SLC4A3: variants seen among roughly 807,000 people sequenced by gnomAD.
SLC4A3 encodes anion exchange protein 3.
Under a neutral mutation model 114.2 loss-of-function variants are expected in SLC4A3, and 47 were observed. The observed-to-expected ratio is 0.41, with a 90% CI of 0.33 to 0.52. SLC4A3 has a LOEUF of 0.52. Ranked by LOEUF, SLC4A3 falls within the 20% of genes least tolerant of loss-of-function variation. SLC4A3 has a pLI of 0.21. For missense variants in SLC4A3, 1,312 were observed against 1,668.3 expected (o/e 0.79, Z 3.72); for synonymous variants, 693 against 710.3 (o/e 0.98, Z 0.39).
chr2:219,633,556 A>G, intron 10 of SLC4A3, 99 bp downstream of exon 10: 1 of 1,127,806 alleles, frequency 8.9e-7, no homozygotes, highest in East Asian at 2.7e-5. Flanking sequence ...GGAAGGTTGG[A>G]TTGCTGGCAT....
chr2:219,631,817 A>G lies in SLC4A3; in HGVS notation c.812-151A>G, dbSNP rs1050570526. On this transcript the variant is annotated intron_variant, in intron 6 of 22. Coordinates refer to ENST00000358055, the MANE Select transcript of SLC4A3 (RefSeq NM_005070.4). The surrounding 1 kb of genome is among the most constrained non-coding windows in gnomAD (Gnocchi z 6.3). ...GAGCTTCAGTCTTCTTATCAATGAA[A>G]TGGCCACATGGGATTATGTGGTTCC... The G allele has an allele frequency of 1.2e-6, 1 of 843,788 alleles. No homozygotes were observed. The highest frequency in any genetic ancestry group is 1.8e-6 in the Non-Finnish European group (1 of 541,630). The allele number at this position is 843,788 out of a possible 1,614,324, so 52.3% of individuals were successfully genotyped here.
In SLC4A3 at chr2:219,634,908, T is replaced by C. The variant is rs539960565; in HGVS notation, c.1746+304T>C. On this transcript the variant is annotated intron_variant, in intron 12 of 22. Coordinates refer to ENST00000358055, the MANE Select transcript of SLC4A3 (RefSeq NM_005070.4). ...TGCTGTGGCTTCTCCTGGGATTAGA[T>C]AGGAGGGTCCTTTAGCCAGGGGCAA... is the stretch of plus-strand genomic sequence containing the variant. Among the ~76,000 whole-genome samples, 19 of 152,274 alleles carry C rather than the reference T, an allele frequency of 1.2e-4. No individual in the cohort carries two copies. The South Asian group carries it at 3.5e-3, about 28-fold the overall frequency.
intron 9 of SLC4A3, 79 bp from the exon 10 acceptor site, chr2:219,633,195 T>C: frequency 7.1e-7 from 1 of 1,401,628 alleles, no homozygotes; most frequent in Non-Finnish European, 9.8e-7. Flanking sequence ...ATGGAGGTCC[T>C]GACCCTCCAC....
chr2:219,638,902 C>T lies in SLC4A3; in HGVS notation c.3023+33C>T, dbSNP rs766909668. The T allele has an allele frequency of 3.7e-5, 59 of 1,605,702 alleles. No individual in the cohort carries two copies. Among genetic ancestry groups the T allele is most frequent in the Non-Finnish European group, 4.4e-5 (52 of 1,177,468 alleles). On this transcript the variant is annotated intron_variant, in intron 19 of 22. Transcript: ENST00000358055. This position sits in a 1 kb window ranked among gnomAD's most constrained non-coding sequence, Gnocchi z 7.5. ...AGATGGGAGGAGGAGGTGGGAGGGACGAGGCCAAGCTCCTTGGCTCCTTGG... is the reference window on the plus strand; with the variant it reads ...AGATGGGAGGAGGAGGTGGGAGGGATGAGGCCAAGCTCCTTGGCTCCTTGG...
chr2:219,634,014 A>G (rs937625630), intron 11 of SLC4A3, 35 bp downstream of exon 11: 2 of 1,519,230 alleles, frequency 1.3e-6, no homozygotes, highest in Admixed American at 4.1e-5. Flanking sequence ...CAGGGTCTGC[A>G]GTGTGTGTGT....
In SLC4A3 at chr2:219,632,923, C is replaced by T. The variant is rs374020580; in HGVS notation, c.1191C>T (p.His397=). 1.2e-6 allele frequency: 2 copies of T among 1,614,062 alleles called. No individual in the cohort carries two copies. Among genetic ancestry groups the T allele is most frequent in the Non-Finnish European group, 1.7e-6 (2 of 1,180,040 alleles). ...AAACCACCCTGCCAGGCATTGCACA[C>T]CTCGTGGTGGAGACCATGATTGTGT... ...LEQTTLPGIA[H]LVVETMIVSD... is the part of the protein sequence containing the mutation. Residue 397 remains histidine, a synonymous_variant, in exon 9 of 23, where the codon CAC becomes CAT. Coordinates refer to ENST00000358055, the MANE Select transcript of SLC4A3 (RefSeq NM_005070.4).
At position 219,629,205 on chromosome 2, in the gene SLC4A3, C is replaced by T; in HGVS notation, c.279C>T (p.His93=). 3.7e-6 allele frequency: 6 copies of T among 1,612,876 alleles called. No homozygotes were observed. Among genetic ancestry groups the T allele is most frequent in the Non-Finnish European group, 4.2e-6 (5 of 1,179,522 alleles). ...TCTCAGCGCGCCTGCCTCCACCCCACAAGCTGCGGCGGCTGCCCCCCACCT... is the reference window on the plus strand; with the variant it reads ...TCTCAGCGCGCCTGCCTCCACCCCATAAGCTGCGGCGGCTGCCCCCCACCT... ...HPLSARLPPP[H]KLRRLPPTSA... Residue 93 remains histidine, a synonymous_variant, in exon 4 of 23, where the codon CAC becomes CAT. Coordinates refer to ENST00000358055, the MANE Select transcript of SLC4A3 (RefSeq NM_005070.4).
In SLC4A3 at chr2:219,628,126, G is replaced by C; in HGVS notation, c.51+83G>C. 9.1e-7 allele frequency: 1 copy of C among 1,104,068 alleles called. No individual in the cohort carries two copies. Among genetic ancestry groups the C allele is most frequent in the Non-Finnish European group, 1.3e-6 (1 of 797,208 alleles). The allele number at this position is 1,104,068 out of a possible 1,614,324, so 68.4% of individuals were successfully genotyped here. A position where few individuals can be genotyped will look rare whatever the true frequency, so the allele number is the denominator to read the frequency against. On this transcript the variant is annotated intron_variant, in intron 2 of 22. Transcript: ENST00000358055. The surrounding 1 kb of genome is among the most constrained non-coding windows in gnomAD (Gnocchi z 4.8). The stretch of plus-strand genomic sequence containing the variant: ...GGGTGGGCAGAGGAGTCCTCTGGCC[G>C]ACCCCGGGACCCCCCAGATCCAGGG...
Position 219,636,548 on chromosome 2 carries a change from A to G in SLC4A3, c.2340+98A>G. 2 of 1,477,382 alleles carry G rather than the reference A, an allele frequency of 1.4e-6. No individual in the cohort carries two copies. The highest frequency in any genetic ancestry group is 1.8e-6 in the Non-Finnish European group (2 of 1,104,292). The allele number at this position is 1,477,382 out of a possible 1,614,324, so 91.5% of individuals were successfully genotyped here. A position where few individuals can be genotyped will look rare whatever the true frequency, so the allele number is the denominator to read the frequency against. Reference sequence around the variant, plus strand: ...CTTCCTTACCTACATCCTGCCCCACACTCTTCCTTACCTAGGGGATGGGTC... The same window carrying G: ...CTTCCTTACCTACATCCTGCCCCACGCTCTTCCTTACCTAGGGGATGGGTC... On this transcript the variant is annotated intron_variant, in intron 15 of 22. Transcript: ENST00000358055. The surrounding 1 kb of genome is among the most constrained non-coding windows in gnomAD (Gnocchi z 5.5).
chr2:219,637,881 C>T lies in SLC4A3; in HGVS notation c.2766+70C>T. 7.8e-7 allele frequency: 1 copy of T among 1,274,100 alleles called. No homozygotes were observed. Among genetic ancestry groups the T allele is most frequent in the Non-Finnish European group, 1.1e-6 (1 of 877,536 alleles). 78.9% of individuals were successfully genotyped at this position (1,274,100 alleles called of 1,614,324 possible). A position where few individuals can be genotyped will look rare whatever the true frequency, so the allele number is the denominator to read the frequency against. ...CTGCTGTAGGAGCTCCCCAGAGAGG[C>T]TGCACCCCTTCCCCGGTCAGCCCAT... On this transcript the variant is annotated intron_variant, in intron 17 of 22. Transcript: ENST00000358055. The surrounding 1 kb of genome is among the most constrained non-coding windows in gnomAD (Gnocchi z 4.6).
Position 219,631,935 on chromosome 2 carries a change from C to G in SLC4A3, c.812-33C>G. On this transcript the variant is annotated intron_variant, in intron 6 of 22. Coordinates refer to ENST00000358055, the MANE Select transcript of SLC4A3 (RefSeq NM_005070.4). The surrounding 1 kb of genome is among the most constrained non-coding windows in gnomAD (Gnocchi z 6.3). ...CGTGACCCCGAGGGCCCCAGCTGGA[C>G]CTGTGGGACCCCCAAGCCCATCTTC... 1 of 1,554,172 alleles carries G rather than the reference C, an allele frequency of 6.4e-7. No individual in the cohort carries two copies. The highest frequency in any genetic ancestry group is 8.7e-7 in the Non-Finnish European group (1 of 1,150,614).
intron 5 of SLC4A3, 27 bp downstream of exon 5, chr2:219,629,722 G>A (rs1229846112): frequency 2.0e-6 from 3 of 1,524,930 alleles, no homozygotes; most frequent in African/African-American, 1.4e-5. Flanking sequence ...CTACTCAGCA[G>A]GGCCCAGCCC....
chr2:219,627,871 A>G lies in SLC4A3; in HGVS notation c.-93-29A>G, dbSNP rs1275953211. 1.7e-5 allele frequency: 13 copies of G among 761,974 alleles called. No individual in the cohort carries two copies. The East Asian group carries it at 3.2e-4, about 19-fold the overall frequency. 47.2% of individuals were successfully genotyped at this position (761,974 alleles called of 1,614,324 possible). On this transcript the variant is annotated intron_variant, in intron 1 of 22. Transcript: ENST00000358055. ...CTCCCGGGTGGGGGGCGCCAGCGCA[A>G]GGAACCTGACCCCGCCCTCCTCCCC...
At position 219,630,897 on chromosome 2, in the gene SLC4A3, T is replaced by A. The variant is rs957640463; in HGVS notation, c.811+545T>A. Reference sequence around the variant, plus strand: ...CCAGGCCAGGGGCATCACTGATCCCTCCCCCTCCTCCGAGCCACAGTGTGT... The same window carrying A: ...CCAGGCCAGGGGCATCACTGATCCCACCCCCTCCTCCGAGCCACAGTGTGT... On this transcript the variant is annotated intron_variant, in intron 6 of 22. Coordinates refer to ENST00000358055, the MANE Select transcript of SLC4A3 (RefSeq NM_005070.4). The surrounding 1 kb of genome is among the most constrained non-coding windows in gnomAD (Gnocchi z 6.9). Among the ~76,000 whole-genome samples the A allele has an allele frequency of 6.6e-6, 1 of 151,740 alleles. No homozygotes were observed. The highest frequency in any genetic ancestry group is 6.6e-5 in the Admixed American group (1 of 15,248).
chr2:219,638,735 C>G lies in SLC4A3; in HGVS notation c.2889C>G (p.Thr963=). 1 of 1,614,138 alleles carries G rather than the reference C, an allele frequency of 6.2e-7. No individual in the cohort carries two copies. Among genetic ancestry groups the G allele is most frequent in the Non-Finnish European group, 8.5e-7 (1 of 1,180,020 alleles). The change falls in exon 19 of 23, where the codon ACC becomes ACG. Residue 963 remains threonine, a synonymous_variant. Coordinates refer to ENST00000358055, the MANE Select transcript of SLC4A3 (RefSeq NM_005070.4). This position sits in a 1 kb window ranked among gnomAD's most constrained non-coding sequence, Gnocchi z 7.5. Reference sequence around the variant, plus strand: ...CAGTGCCTACAGGGCTCTCAGTGACCTCTCCCGATAAGCGCTCGTGGTTCA... The same window carrying G: ...CAGTGCCTACAGGGCTCTCAGTGACGTCTCCCGATAAGCGCTCGTGGTTCA... ...KLTVPTGLSV[T]SPDKRSWFIP...
Position 219,631,270 on chromosome 2 carries a change from C to G in SLC4A3, c.812-698C>G. The G allele has an allele frequency of 1.5e-6, 2 of 1,290,620 alleles. No homozygotes were observed. Among genetic ancestry groups the G allele is most frequent in the Non-Finnish European group, 2.0e-6 (2 of 978,906 alleles). The allele number at this position is 1,290,620 out of a possible 1,614,324, so 79.9% of individuals were successfully genotyped here. A position where few individuals can be genotyped will look rare whatever the true frequency, so the allele number is the denominator to read the frequency against. On this transcript the variant is annotated intron_variant, in intron 6 of 22. Coordinates refer to ENST00000358055, the MANE Select transcript of SLC4A3 (RefSeq NM_005070.4). This position sits in a 1 kb window ranked among gnomAD's most constrained non-coding sequence, Gnocchi z 6.3. ...AGCCCACTGGAGAAGGACCCTGAGC[C>G]CAATGGGGCACTGAGCCCTGGGCCT...
rs1016056699 is a variant in SLC4A3 at position 219,638,364 on chromosome 2, C to A, written c.2856+111C>A. 2 of 912,076 alleles carry A rather than the reference C, an allele frequency of 2.2e-6. No homozygotes were observed. The highest frequency in any genetic ancestry group is 3.4e-6 in the Non-Finnish European group (2 of 583,702). 56.5% of individuals were successfully genotyped at this position (912,076 alleles called of 1,614,324 possible). A position where few individuals can be genotyped will look rare whatever the true frequency, so the allele number is the denominator to read the frequency against. ...TGGGATCAGGCCTGAACTCAACTTT[C>A]CCAGTGGAGTGGCCGCCCTGGGGGC... is the stretch of plus-strand genomic sequence containing the variant. On this transcript the variant is annotated intron_variant, in intron 18 of 22. Transcript: ENST00000358055. This position sits in a 1 kb window ranked among gnomAD's most constrained non-coding sequence, Gnocchi z 7.5.
chr2:219,630,163 C>T lies in SLC4A3; in HGVS notation c.622C>T (p.Pro208Ser). The T allele has an allele frequency of 2.5e-6, 4 of 1,612,670 alleles. No homozygotes were observed. The highest frequency in any genetic ancestry group is 3.4e-6 in the Non-Finnish European group (4 of 1,179,524). Residue 208 changes from proline to serine, a missense_variant, in exon 6 of 23, where the codon CCC (proline) becomes TCC (serine). Physicochemically the swap from Pro to Ser is moderately conservative, Grantham distance 74. This residue lies in a region of SLC4A3 where 771 missense variants were observed against 977.7 expected (regional missense o/e 0.79). Coordinates refer to ENST00000358055, the MANE Select transcript of SLC4A3 (RefSeq NM_005070.4). The surrounding 1 kb of genome is among the most constrained non-coding windows in gnomAD (Gnocchi z 6.9). ...SPQHSSSSPS[P>S]RARASRLAGE... is the part of the protein sequence containing the mutation. ...GTGTTGCCTCCCCAGCTCCCCCAGC[C>T]CCCGGGCCCGGGCCTCCCGACTCGC...
At chr2:219,633,769 T>C in intron 10 of SLC4A3, 111 bp from the exon 11 acceptor site, 1 of 1,496,636 alleles carries the variant, frequency 6.7e-7, no homozygotes, top group Non-Finnish European at 8.9e-7. Context: ...AGTACCTGCC[T>C]ACTCTGGGAG....
Sources: allele counts gnomAD v4.1 joint callset (sites outside exome capture counted in the v4.1 genomes callset), GRCh38; gene constraint gnomAD v4.1.1; regional missense constraint gnomAD v4.1.1; non-coding constraint Gnocchi (gnomAD v3.1); transcripts MANE v1.5; gene names NCBI Gene and HGNC (gene_info 2026-07-23, HGNC 2026-07-21).